ROCK2: variants seen among roughly 807,000 people sequenced by gnomAD.
ROCK2 encodes the protein Rho associated coiled-coil containing protein kinase 2.
In ROCK2, 61 loss-of-function variants were observed where a neutral mutation model predicts 195.1. That is an observed-to-expected ratio of 0.31 (90% CI 0.25 to 0.39). ROCK2 has a LOEUF of 0.39. Among genes scored for constraint, ROCK2 ranks in the 10% least tolerant of loss-of-function variants. The pLI, the probability that ROCK2 is intolerant of heterozygous loss-of-function variation, is 1.00. For missense variants in ROCK2, 1,109 were observed against 1,637.4 expected, an observed-to-expected ratio of 0.68 and a Z score of 5.57; for synonymous variants, 504 against 545.5, an observed-to-expected ratio of 0.92 and a Z score of 1.06.
chr2:11,219,368 G>A (rs545177026), intron 9 of ROCK2, among the ~76,000 whole-genome samples: 25 of 135,302 alleles, frequency 1.8e-4, no homozygotes, highest in East Asian at 9.1e-4. Context: ...AAAATTAGCC[G>A]GGCATGGTGG....
At chr2:11,189,987 C>T (rs1663353838) in intron 32 of ROCK2, among the ~76,000 whole-genome samples, 2 of 151,642 alleles carry the variant, frequency 1.3e-5, no homozygotes, top group Non-Finnish European at 2.9e-5. Flanking sequence ...AGAGTGAGAC[C>T]CTGTCTCAAT....
In ROCK2 at chr2:11,201,449, A is replaced by G. The variant is rs973162591; in HGVS notation, c.2620-36T>C. On this transcript the variant is annotated intron_variant, in intron 21 of 32. Transcript: ENST00000315872. This position sits in a 1 kb window ranked among gnomAD's most constrained non-coding sequence, Gnocchi z 4.6. Reference sequence around the variant, plus strand: ...AAATACAACAGAAATGCGTATCATCATCAGAAATATTACTTCTACATTCAA... The same window carrying G: ...AAATACAACAGAAATGCGTATCATCGTCAGAAATATTACTTCTACATTCAA... 1 of 1,071,318 alleles carries G rather than the reference A, an allele frequency of 9.3e-7. No individual in the cohort carries two copies. Among genetic ancestry groups the G allele is most frequent in the Non-Finnish European group, 1.4e-6 (1 of 692,654 alleles). 66.4% of individuals were successfully genotyped at this position (1,071,318 alleles called of 1,614,324 possible). A position where few individuals can be genotyped will look rare whatever the true frequency, so the allele number is the denominator to read the frequency against.
intron 1 of ROCK2, among the ~76,000 whole-genome samples, chr2:11,334,948 C>CA (rs932903095): frequency 9.4e-5 from 13 of 138,608 alleles, no homozygotes; most frequent in African/African-American, 2.2e-4. Flanking sequence ...TCACCTATGA[C>CA]AAAAAAAAAT....
At chr2:11,260,268 C>T (rs1012840813) in intron 3 of ROCK2, among the ~76,000 whole-genome samples, 13 of 146,726 alleles carry the variant, frequency 8.9e-5, no homozygotes, top group Non-Finnish European at 1.9e-4. Flanking sequence ...GCCAACATGG[C>T]GAAACCCCAT....
At position 11,200,958 on chromosome 2, in the gene ROCK2, G is replaced by A; in HGVS notation, c.2909C>T (p.Ser970Phe). 2 of 1,587,612 alleles carry A rather than the reference G, an allele frequency of 1.3e-6. No individual in the cohort carries two copies. Among genetic ancestry groups the A allele is most frequent in the Admixed American group, 1.8e-5 (1 of 54,398 alleles). ...AAAAGCACCAAGAATTTGACTTACA[G>A]AAGCAATTGTAGCATCTTTTTCCGT... ...ELTEKDATIA[S>F]LEETNRTLTS... Residue 970 changes from serine (S) to phenylalanine (F), a missense_variant and splice_region_variant, in exon 23 of 33, where the codon TCT (serine) becomes TTT (phenylalanine). By Grantham distance (155) the Ser-to-Phe change is radical. Coordinates refer to ENST00000315872, the MANE Select transcript of ROCK2 (RefSeq NM_004850.5).
intron 3 of ROCK2, among the ~76,000 whole-genome samples, chr2:11,272,140 T>C (rs565722047): frequency 6.6e-6 from 1 of 152,294 alleles, no homozygotes; most frequent in African/African-American, 2.4e-5. Flanking sequence ...TGTTGTGTTT[T>C]CCCTAAACTG....
At chr2:11,323,729 C>G (rs1040493234) in intron 1 of ROCK2, among the ~76,000 whole-genome samples, 1 of 152,126 alleles carries the variant, frequency 6.6e-6, no homozygotes, top group African/African-American at 2.4e-5. Flanking sequence ...CTGAAAGGTA[C>G]AGAGATGTCC....
chr2:11,342,708 A>G (rs1371187491), intron 1 of ROCK2, among the ~76,000 whole-genome samples: 1 of 152,248 alleles, frequency 6.6e-6, no homozygotes, highest in African/African-American at 2.4e-5. Flanking sequence ...AAAGACTTTC[A>G]AAGACTGCTC....
At chr2:11,334,959 T>G (rs772396717) in intron 1 of ROCK2, among the ~76,000 whole-genome samples, 1 of 139,704 alleles carries the variant, frequency 7.2e-6, no homozygotes, top group African/African-American at 2.4e-5. Context: ...AAAAAAAAAT[T>G]ATAAAGCACT....
At chr2:11,236,287 A>G (rs1342966838) in intron 4 of ROCK2, among the ~76,000 whole-genome samples, 4 of 152,198 alleles carry the variant, frequency 2.6e-5, no homozygotes, top group African/African-American at 9.6e-5. Flanking sequence ...AAAGAATGAC[A>G]GAAGAATTCA....
chr2:11,208,492 G>T (rs773852277), intron 18 of ROCK2, 45 bp from the exon 19 acceptor site: 2 of 968,362 alleles, frequency 2.1e-6, no homozygotes, highest in African/African-American at 3.2e-5. Flanking sequence ...ACAAATAAAA[G>T]AAGCATATCA....
At chr2:11,199,748 C>T (rs1347540898) in intron 23 of ROCK2, among the ~76,000 whole-genome samples, 1 of 152,146 alleles carries the variant, frequency 6.6e-6, no homozygotes, top group Non-Finnish European at 1.5e-5. Context: ...TCTTCTATTA[C>T]ATTTAATGCA....
chr2:11,272,234 G>C (rs1255522899), intron 3 of ROCK2, among the ~76,000 whole-genome samples: 1 of 152,108 alleles, frequency 6.6e-6, no homozygotes, highest in Non-Finnish European at 1.5e-5. Flanking sequence ...AATGGTCAAT[G>C]AAGTCCTACA....
chr2:11,317,593 TATATATATATA>T (rs1342065793), intron 1 of ROCK2, among the ~76,000 whole-genome samples: 4 of 14,506 alleles, frequency 2.8e-4, no homozygotes, highest in East Asian at 0.011. Flanking sequence ...TATATATATA[TATATATATATA>T]TATATATATT....
At position 11,317,601 on chromosome 2, in the gene ROCK2, T is replaced by TATAC. The variant is rs1358092306; in HGVS notation, c.141+26394_141+26395insGTAT. Reference sequence around the variant, plus strand: ...TTATATATATATATATATATATATATATATATATATATTTTTTTTTTTTTT... The same window carrying TATAC: ...TTATATATATATATATATATATATATATACATATATATATATTTTTTTTTTTTTT... On this transcript the variant is annotated intron_variant, in intron 1 of 32. Coordinates refer to ENST00000315872, the MANE Select transcript of ROCK2 (RefSeq NM_004850.5). Among the ~76,000 whole-genome samples the TATAC allele has an allele frequency of 1.1e-4, 2 of 18,572 alleles. 1 individual carries two copies. The highest frequency in any genetic ancestry group is 2.2e-4 in the Non-Finnish European group (2 of 9,024). 12.2% of individuals were successfully genotyped at this position (18,572 alleles called of 152,430 possible). A position where few individuals can be genotyped will look rare whatever the true frequency, so the allele number is the denominator to read the frequency against.
intron 3 of ROCK2, among the ~76,000 whole-genome samples, chr2:11,268,170 A>G (rs1666486205): frequency 6.6e-6 from 1 of 152,152 alleles, no homozygotes; most frequent in Admixed American, 6.5e-5. Context: ...AAGATTCACA[A>G]GCAGAAATTG....
At chr2:11,329,765 C>A (rs980524682) in intron 1 of ROCK2, among the ~76,000 whole-genome samples, 4 of 151,562 alleles carry the variant, frequency 2.6e-5, no homozygotes, top group African/African-American at 4.8e-5. Context: ...CCTTTAGGTG[C>A]GTTTTCTCGT....
chr2:11,242,410 G>A (rs1487127440), intron 4 of ROCK2, among the ~76,000 whole-genome samples: 1 of 152,100 alleles, frequency 6.6e-6, no homozygotes, highest in Non-Finnish European at 1.5e-5. Context: ...AGCTCAGAAA[G>A]GGAAGGAGGA....
At chr2:11,215,921 T>C (rs1224552335) in intron 13 of ROCK2, among the ~76,000 whole-genome samples, 1 of 152,236 alleles carries the variant, frequency 6.6e-6, no homozygotes, top group Non-Finnish European at 1.5e-5. Flanking sequence ...ATGTTATGAA[T>C]AGCATTTTTT....
Sources: allele counts gnomAD v4.1 joint callset (sites outside exome capture counted in the v4.1 genomes callset), GRCh38; gene constraint gnomAD v4.1.1; non-coding constraint Gnocchi (gnomAD v3.1); transcripts MANE v1.5; gene names NCBI Gene and HGNC (gene_info 2026-07-23, HGNC 2026-07-21).